The following HHIP variants were observed in gnomAD, a reference collection of about 807,000 sequenced individuals.
HHIP encodes hedgehog-interacting protein.
HHIP carries 12 observed loss-of-function variants against 74.0 expected under a neutral mutation model. The ratio of observed to expected loss-of-function variants is 0.16; its 90% CI spans 0.10 to 0.26. The LOEUF (loss-of-function observed/expected upper bound fraction) is 0.26. HHIP is among the 10% of genes least tolerant of loss of function. The pLI is 1.00. For missense variants in HHIP, 788 were observed against 845.0 expected, an observed-to-expected ratio of 0.93 and a Z score of 0.84; for synonymous variants, 309 against 311.6, an observed-to-expected ratio of 0.99 and a Z score of 0.09.
At chr4:144,675,208 GA>G (rs1196672240) in intron 4 of HHIP, among the ~76,000 whole-genome samples, 2 of 152,066 alleles carry the variant, frequency 1.3e-5, no homozygotes, top group African/African-American at 4.8e-5. Flanking sequence ...TAAAATTTAG[GA>G]AACACTGCAG....
rs758826382 is a variant in HHIP, at chr4:144,706,530, GGGA to G, written c.836_838del (p.Gly279del). 26 of 1,603,274 alleles carry G rather than the reference GGGA, an allele frequency of 1.6e-5. No homozygotes were observed. In the South Asian group the frequency reaches 2.8e-4, roughly 17 times the overall value. On this transcript the variant is annotated inframe_deletion and splice_region_variant, in exon 5 of 13. Coordinates refer to ENST00000296575, the MANE Select transcript of HHIP (RefSeq NM_022475.3). ...TCTTTGTGTTTTTCATTTGACTGCA[GGGA>G]GGAGATGAAAGAGGACTGCTAAGCC...
chr4:144,716,746 G>A (rs1258436928), intron 10 of HHIP, among the ~76,000 whole-genome samples: 2 of 150,864 alleles, frequency 1.3e-5, no homozygotes, highest in African/African-American at 4.9e-5. Flanking sequence ...TTACTTGGGA[G>A]GCTGAGGCAG....
rs1338222418 is a variant in HHIP, at chr4:144,742,417, G to A, written c.*4460G>A. On this transcript the variant is annotated 3_prime_UTR_variant, in exon 13 of 13. Transcript: ENST00000296575. ...ATTCAGCTGCTCTAGCATAGATACA[G>A]GAAAGACATGGAGAATAACACTGGG... 4 of 152,084 alleles carry A rather than the reference G, an allele frequency of 2.6e-5. No homozygotes were observed. Among genetic ancestry groups the A allele is most frequent in the African/African-American group, 9.7e-5 (4 of 41,420 alleles). The allele number at this position is 152,084 out of a possible 1,614,324, so 9.4% of individuals were successfully genotyped here. A position where few individuals can be genotyped will look rare whatever the true frequency, so the allele number is the denominator to read the frequency against.
At chr4:144,655,951 T>G (rs767815109) in intron 2 of HHIP, among the ~76,000 whole-genome samples, 1 of 152,120 alleles carries the variant, frequency 6.6e-6, no homozygotes. Context: ...TCCAAGATAG[T>G]TGATAAATGA....
Position 144,744,912 on chromosome 4 carries a change from G to A in HHIP, c.*6955G>A, listed in dbSNP as rs1291364256. ...CAGATGGCCTAAAGTACATCTGTGT[G>A]TATCTGTACGTGTGCACACACCCAT... On this transcript the variant is annotated 3_prime_UTR_variant, in exon 13 of 13. Transcript: ENST00000296575. 6.6e-6 allele frequency: 1 copy of A among 152,178 alleles called. No individual in the cohort carries two copies. The highest frequency in any genetic ancestry group is 2.4e-5 in the African/African-American group (1 of 41,448). 9.4% of individuals were successfully genotyped at this position (152,178 alleles called of 1,614,324 possible). A position where few individuals can be genotyped will look rare whatever the true frequency, so the allele number is the denominator to read the frequency against.
chr4:144,680,559 A>C lies in HHIP; in HGVS notation c.831+20721A>C, dbSNP rs555140650. Among the ~76,000 whole-genome samples the C allele has an allele frequency of 1.5e-3, 221 of 152,314 alleles. 5 individuals are homozygous for C. The highest frequency in any genetic ancestry group is 5.1e-3 in the African/African-American group (210 of 41,574). Reference sequence around the variant, plus strand: ...TATTTTCTAAGATCTCTATGTAGGAACTTAGTAAATGTCTTCCCTGTACTT... The same window carrying C: ...TATTTTCTAAGATCTCTATGTAGGACCTTAGTAAATGTCTTCCCTGTACTT... On this transcript the variant is annotated intron_variant, in intron 4 of 12. Coordinates refer to ENST00000296575, the MANE Select transcript of HHIP (RefSeq NM_022475.3).
chr4:144,699,521 G>T (rs1470385711), intron 4 of HHIP, among the ~76,000 whole-genome samples: 3 of 152,084 alleles, frequency 2.0e-5, no homozygotes, highest in Non-Finnish European at 4.4e-5. Flanking sequence ...TTGCTCCCTG[G>T]GGTTGTGGGG....
intron 10 of HHIP, among the ~76,000 whole-genome samples, chr4:144,715,996 G>A (rs1293201060): frequency 6.6e-6 from 1 of 151,984 alleles, no homozygotes; most frequent in Non-Finnish European, 1.5e-5. Context: ...ATACTTCTTG[G>A]CATGTTTACC....
At chr4:144,715,202 A>G in intron 9 of HHIP, 98 bp from the exon 10 acceptor site, 1 of 1,193,252 alleles carries the variant, frequency 8.4e-7, no homozygotes, top group South Asian at 1.5e-5. Flanking sequence ...TCTATGGCAA[A>G]GCAATTGTTT....
intron 10 of HHIP, among the ~76,000 whole-genome samples, chr4:144,716,854 G>GAAAAAAAAAAAAAAAAAAAAAAAAAA (rs869028218): frequency 5.5e-5 from 3 of 54,654 alleles, no homozygotes; most frequent in Non-Finnish European, 1.0e-4. Context: ...CGTCTCAAAA[G>GAAAAAAAAAAAAAAAAAAAAAAAAAA]AAAAAAAAAA....
rs546111722 is a variant in HHIP, at chr4:144,673,479, G to T, written c.831+13641G>T. ...TTGTAATTGCTAATTCATGAAAATG[G>T]TAACCACAATTAAAGACTGTTTGAA... On this transcript the variant is annotated intron_variant, in intron 4 of 12. Transcript: ENST00000296575. 9.2e-5 allele frequency among the ~76,000 whole-genome samples: 14 copies of T among 152,274 alleles called. No individual in the cohort carries two copies. In the South Asian group the frequency reaches 1.7e-3, roughly 18 times the overall value.
At chr4:144,722,017 A>G (rs1431814022) in intron 11 of HHIP, among the ~76,000 whole-genome samples, 2 of 152,120 alleles carry the variant, frequency 1.3e-5, no homozygotes, top group African/African-American at 4.8e-5. Context: ...GTCACATCTT[A>G]TGGCAGGGCA....
chr4:144,723,893 A>G (rs1730715663), intron 11 of HHIP, among the ~76,000 whole-genome samples: 1 of 152,200 alleles, frequency 6.6e-6, no homozygotes, highest in African/African-American at 2.4e-5. Flanking sequence ...CATTTTTGCT[A>G]TCATCATTAT....
rs934723707 is a variant in HHIP, at chr4:144,739,729, G to C, written c.*1772G>C. 5.3e-5 allele frequency: 8 copies of C among 152,140 alleles called. No individual in the cohort carries two copies. The highest frequency in any genetic ancestry group is 1.7e-4 in the African/African-American group (7 of 41,440). The allele number at this position is 152,140 out of a possible 1,614,324, so 9.4% of individuals were successfully genotyped here. On this transcript the variant is annotated 3_prime_UTR_variant, in exon 13 of 13. Transcript: ENST00000296575. ...CATTAAAAAGTGCATGCATAATTTT[G>C]CACAATTTAGATTCAATTGACAGTC...
intron 11 of HHIP, among the ~76,000 whole-genome samples, chr4:144,726,791 G>T (rs79841602): frequency 0.013 from 2,022 of 152,298 alleles, 57 homozygotes; most frequent in African/African-American, 0.045. Context: ...CAATGAAAAG[G>T]AAGTGCCTGT....
At chr4:144,677,718 A>G (rs942335790) in intron 4 of HHIP, among the ~76,000 whole-genome samples, 12 of 152,088 alleles carry the variant, frequency 7.9e-5, no homozygotes, top group African/African-American at 2.7e-4. Context: ...TTAATATTCA[A>G]TCCTGCCTGA....
At chr4:144,717,621 G>A (rs986834873) in intron 10 of HHIP, among the ~76,000 whole-genome samples, 4 of 152,104 alleles carry the variant, frequency 2.6e-5, no homozygotes, top group African/African-American at 9.7e-5. Flanking sequence ...GGAAGTAGTG[G>A]TGATAAACGG....
At position 144,729,810 on chromosome 4, in the gene HHIP, G is replaced by T. The variant is rs551204618; in HGVS notation, c.1761-4931G>T. On this transcript the variant is annotated intron_variant, in intron 11 of 12. Coordinates refer to ENST00000296575, the MANE Select transcript of HHIP (RefSeq NM_022475.3). Reference sequence around the variant, plus strand: ...TTACATCTTCTAATACTTCCATCAGGATATCTACATAAGTATTATTCTTGA... The same window carrying T: ...TTACATCTTCTAATACTTCCATCAGTATATCTACATAAGTATTATTCTTGA... 1.9e-4 allele frequency among the ~76,000 whole-genome samples: 19 copies of T among 98,206 alleles called. No homozygotes were observed. In the South Asian group the frequency reaches 9.8e-3, roughly 51 times the overall value. 64.4% of individuals were successfully genotyped at this position (98,206 alleles called of 152,430 possible).
At chr4:144,699,086 T>C (rs1212882298) in intron 4 of HHIP, among the ~76,000 whole-genome samples, 6 of 152,188 alleles carry the variant, frequency 3.9e-5, no homozygotes, top group South Asian at 2.1e-4. Flanking sequence ...TCTGAAACTA[T>C]CTGGACTTAG....
Sources: allele counts gnomAD v4.1 joint callset (sites outside exome capture counted in the v4.1 genomes callset), GRCh38; gene constraint gnomAD v4.1.1; transcripts MANE v1.5; gene names NCBI Gene and HGNC (gene_info 2026-07-23, HGNC 2026-07-21).